CLSTN2: variants seen among roughly 807,000 people sequenced by gnomAD.
The protein encoded by CLSTN2 is calsyntenin-2.
CLSTN2 carries 48 observed loss-of-function variants against 101.2 expected under a neutral mutation model. The observed-to-expected ratio is 0.47, with a 90% CI of 0.38 to 0.60. The LOEUF is 0.60. CLSTN2 is among the 20% of genes least tolerant of loss of function. The pLI is 0.00. For missense variants in CLSTN2, 1,160 were observed against 1,238.2 expected, an observed-to-expected ratio of 0.94 and a Z score of 0.95; for synonymous variants, 481 against 463.6, an observed-to-expected ratio of 1.04 and a Z score of -0.48.
At chr3:140,526,579 GAAAC>G (rs200224315) in intron 8 of CLSTN2, among the ~76,000 whole-genome samples, 2,367 of 128,278 alleles carry the variant, frequency 0.018, 54 homozygotes, top group African/African-American at 0.061. Flanking sequence ...AAATTTATAT[GAAAC>G]AAACAAACAA....
intron 9 of CLSTN2, among the ~76,000 whole-genome samples, chr3:140,545,271 A>T (rs1275039806): frequency 6.6e-6 from 1 of 152,142 alleles, no homozygotes; most frequent in Non-Finnish European, 1.5e-5. Context: ...GCCAGAGAAG[A>T]CTTTCACAGA....
intron 10 of CLSTN2, among the ~76,000 whole-genome samples, chr3:140,552,985 T>G (rs1455216888): frequency 1.3e-5 from 2 of 152,346 alleles, no homozygotes; most frequent in Middle Eastern, 3.4e-3. Flanking sequence ...TCATAACTAA[T>G]CGTGACTCAC....
intron 1 of CLSTN2, among the ~76,000 whole-genome samples, chr3:140,003,347 A>G (rs542081928): frequency 2.0e-5 from 3 of 152,142 alleles, no homozygotes; most frequent in African/African-American, 7.2e-5. Context: ...TATTTTTCGT[A>G]TTGTTCACTA....
At chr3:139,953,164 T>G (rs1935321534) in intron 1 of CLSTN2, among the ~76,000 whole-genome samples, 7 of 152,110 alleles carry the variant, frequency 4.6e-5, no homozygotes, top group Admixed American at 3.3e-4. Flanking sequence ...GGAAATGCCT[T>G]TCATCAGGCT....
At chr3:140,003,192 C>T (rs9864281) in intron 1 of CLSTN2, among the ~76,000 whole-genome samples, 46,626 of 152,008 alleles carry the variant, frequency 0.31, 8,922 homozygotes, top group Non-Finnish European at 0.43. Context: ...TTCCAATCTA[C>T]GAACATGGAA....
intron 1 of CLSTN2, among the ~76,000 whole-genome samples, chr3:140,162,743 C>T (rs962371776): frequency 1.3e-5 from 2 of 152,224 alleles, no homozygotes; most frequent in Non-Finnish European, 2.9e-5. Flanking sequence ...GCAAAATTGG[C>T]CTGCCAGTGC....
intron 2 of CLSTN2, among the ~76,000 whole-genome samples, chr3:140,291,654 C>T (rs1034140865): frequency 2.6e-5 from 4 of 151,760 alleles, no homozygotes; most frequent in African/African-American, 7.3e-5. Flanking sequence ...GACGAGATCT[C>T]TCATGAACTC....
intron 4 of CLSTN2, among the ~76,000 whole-genome samples, chr3:140,416,797 C>A (rs1394083636): frequency 1.3e-5 from 2 of 152,226 alleles, no homozygotes; most frequent in African/African-American, 4.8e-5. Context: ...CAACGACACC[C>A]AGTTACCAAT....
intron 1 of CLSTN2, among the ~76,000 whole-genome samples, chr3:140,085,989 G>T (rs2008674816): frequency 6.6e-6 from 1 of 152,166 alleles, no homozygotes; most frequent in Non-Finnish European, 1.5e-5. Context: ...ACCTGTTAGT[G>T]AGAAGTATGA....
chr3:140,404,435 A>T, intron 3 of CLSTN2, 123 bp from the exon 4 acceptor site: 1 of 804,256 alleles, frequency 1.2e-6, no homozygotes, highest in East Asian at 2.7e-5. Flanking sequence ...CAACTGCCAC[A>T]ATTGGCTGAT....
intron 1 of CLSTN2, among the ~76,000 whole-genome samples, chr3:140,142,049 A>G (rs988242625): frequency 1.3e-5 from 2 of 152,236 alleles, no homozygotes; most frequent in Non-Finnish European, 2.9e-5. Flanking sequence ...GATTTGAACA[A>G]CCTCACAGCA....
At chr3:140,160,662 A>G (rs1349131072) in intron 1 of CLSTN2, among the ~76,000 whole-genome samples, 4 of 150,382 alleles carry the variant, frequency 2.7e-5, no homozygotes, top group African/African-American at 4.9e-5. Context: ...TTGTCTTATT[A>G]TCCCCAGAAG....
At chr3:140,141,627 A>G (rs780722299) in intron 1 of CLSTN2, among the ~76,000 whole-genome samples, 3 of 152,234 alleles carry the variant, frequency 2.0e-5, no homozygotes, top group Non-Finnish European at 2.9e-5. Context: ...AAGGGTGGTC[A>G]CCTGGTTAGT....
At chr3:140,544,216 C>T (rs968829549) in intron 9 of CLSTN2, among the ~76,000 whole-genome samples, 1 of 152,212 alleles carries the variant, frequency 6.6e-6, no homozygotes, top group Non-Finnish European at 1.5e-5. Flanking sequence ...CTGACTTATG[C>T]AAAGTGCCTG....
intron 2 of CLSTN2, among the ~76,000 whole-genome samples, chr3:140,205,835 C>A (rs914928464): frequency 3.9e-5 from 6 of 152,260 alleles, no homozygotes; most frequent in Non-Finnish European, 7.4e-5. Context: ...AGCCATGACT[C>A]ATGAAGCTCC....
chr3:140,008,179 C>T (rs969995816), intron 1 of CLSTN2, among the ~76,000 whole-genome samples: 3 of 152,226 alleles, frequency 2.0e-5, no homozygotes, highest in Non-Finnish European at 4.4e-5. Flanking sequence ...GAGGTGATGA[C>T]ATCTCTTCTT....
At chr3:140,102,944 C>A (rs2008993373) in intron 1 of CLSTN2, among the ~76,000 whole-genome samples, 1 of 152,088 alleles carries the variant, frequency 6.6e-6, no homozygotes, top group Non-Finnish European at 1.5e-5. Flanking sequence ...ACCCTTCTGA[C>A]CCTCAGTTTT....
intron 2 of CLSTN2, among the ~76,000 whole-genome samples, chr3:140,330,850 C>A (rs188692605): frequency 6.6e-6 from 1 of 152,148 alleles, no homozygotes; most frequent in African/African-American, 2.4e-5. Context: ...GGGCATTGTT[C>A]GTAGGCATCT....
At chr3:140,416,365 CCACACACACACAAA>C (rs1299693318) in intron 4 of CLSTN2, among the ~76,000 whole-genome samples, 1 of 151,350 alleles carries the variant, frequency 6.6e-6, no homozygotes, top group Non-Finnish European at 1.5e-5. Flanking sequence ...ACTGAGCTCA[CCACACACACACAAA>C]CACACACACA....
Sources: gnomAD v4.1 joint callset for allele counts (sites outside exome capture counted in the v4.1 genomes callset) on GRCh38, gnomAD v4.1.1 for gene constraint, MANE v1.5 for transcripts, NCBI Gene and HGNC (gene_info 2026-07-23, HGNC 2026-07-21) for gene names.